The following PRKD1 variants were observed in gnomAD, a reference collection of about 807,000 sequenced individuals.
The protein encoded by PRKD1 is serine/threonine-protein kinase D1.
In PRKD1, 63 loss-of-function variants were observed where a neutral mutation model predicts 95.9. The ratio of observed to expected loss-of-function variants is 0.66; its 90% CI spans 0.54 to 0.81. The LOEUF is 0.81. Among genes scored for constraint, PRKD1 ranks in the 30% least tolerant of loss-of-function variants. PRKD1 has a pLI of 0.00. For missense variants in PRKD1, 1,048 were observed against 1,165.3 expected (o/e 0.90, Z 1.47); for synonymous variants, 425 against 423.1 (o/e 1.00, Z -0.05).
At chr14:29,722,545 T>C (rs1438415851) in intron 2 of PRKD1, among the ~76,000 whole-genome samples, 1 of 152,244 alleles carries the variant, frequency 6.6e-6, no homozygotes, top group African/African-American at 2.4e-5. Flanking sequence ...CAAAATGGTA[T>C]ATATGTAGTA....
chr14:29,609,825 C>G (rs1248879885), intron 13 of PRKD1, among the ~76,000 whole-genome samples: 1 of 150,994 alleles, frequency 6.6e-6, no homozygotes. Context: ...TCCCAAAGTG[C>G]TGAAATTACA....
chr14:29,642,417 C>A (rs532977775), intron 4 of PRKD1, among the ~76,000 whole-genome samples: 8 of 152,004 alleles, frequency 5.3e-5, no homozygotes, highest in Non-Finnish European at 1.0e-4. Flanking sequence ...ACAGAGCAGG[C>A]AAAAATTCAG....
At chr14:29,759,709 G>A (rs1465617533) in intron 1 of PRKD1, among the ~76,000 whole-genome samples, 1 of 152,192 alleles carries the variant, frequency 6.6e-6, no homozygotes, top group African/African-American at 2.4e-5. Flanking sequence ...AACAGAAAAT[G>A]TGAGAGTCAC....
intron 10 of PRKD1, 28 bp downstream of exon 10, chr14:29,630,714 G>T: frequency 6.2e-7 from 1 of 1,613,732 alleles, no homozygotes; most frequent in South Asian, 1.1e-5. Flanking sequence ...GATGAGCTTT[G>T]GGCTGGTTAG....
At chr14:29,922,107 C>G (rs899396521) in intron 1 of PRKD1, among the ~76,000 whole-genome samples, 1 of 152,126 alleles carries the variant, frequency 6.6e-6, no homozygotes, top group Non-Finnish European at 1.5e-5. Flanking sequence ...CGAGACCATC[C>G]TGGATAACAC....
Position 29,927,605 on chromosome 14 carries a change from T to A in PRKD1, c.-93A>T. 1.0e-6 allele frequency: 1 copy of A among 977,126 alleles called. No individual in the cohort carries two copies. The highest frequency in any genetic ancestry group is 1.2e-6 in the Non-Finnish European group (1 of 801,744). 60.5% of individuals were successfully genotyped at this position (977,126 alleles called of 1,614,324 possible). ...GCAGCCGCTGAGCCAGGAGCTTCTT[T>A]CTCCGAGAGCCCAGACGGAAAATAA... On this transcript the variant is annotated 5_prime_UTR_variant, in exon 1 of 18. Transcript: ENST00000331968.
At chr14:29,623,186 A>G (rs1428062715) in intron 13 of PRKD1, among the ~76,000 whole-genome samples, 4 of 152,208 alleles carry the variant, frequency 2.6e-5, no homozygotes, top group African/African-American at 9.6e-5. Flanking sequence ...TTGTCCAGAG[A>G]CACAAAAACA....
chr14:29,925,678 A>G (rs1895271501), intron 1 of PRKD1, among the ~76,000 whole-genome samples: 1 of 152,232 alleles, frequency 6.6e-6, no homozygotes, highest in Non-Finnish European at 1.5e-5. Context: ...AAGCTGGTCA[A>G]AACAAAGTCT....
At chr14:29,890,519 A>ACATAGATAG (rs1295763060) in intron 1 of PRKD1, among the ~76,000 whole-genome samples, 1 of 152,236 alleles carries the variant, frequency 6.6e-6, no homozygotes, top group Non-Finnish European at 1.5e-5. Flanking sequence ...ATAGATAGAT[A>ACATAGATAG]CATAGATAGA....
intron 2 of PRKD1, among the ~76,000 whole-genome samples, chr14:29,716,037 C>T (rs1470352347): frequency 6.6e-6 from 1 of 152,194 alleles, no homozygotes; most frequent in Non-Finnish European, 1.5e-5. Flanking sequence ...GACCGTTAAA[C>T]TTCCATTCTA....
At chr14:29,699,824 C>A (rs1410202852) in intron 2 of PRKD1, among the ~76,000 whole-genome samples, 1 of 152,130 alleles carries the variant, frequency 6.6e-6, no homozygotes, top group Non-Finnish European at 1.5e-5. Context: ...TTTTTATACA[C>A]AAATATATCT....
intron 13 of PRKD1, among the ~76,000 whole-genome samples, chr14:29,601,523 T>G (rs538440839): frequency 1.2e-4 from 19 of 152,288 alleles, no homozygotes; most frequent in East Asian, 3.9e-4. Flanking sequence ...ACTGGTCAAG[T>G]CTGGCAACTT....
At chr14:29,922,157 A>C (rs546540188) in intron 1 of PRKD1, among the ~76,000 whole-genome samples, 1 of 152,094 alleles carries the variant, frequency 6.6e-6, no homozygotes, top group South Asian at 2.1e-4. Context: ...AAAAAATAGC[A>C]GTGCATGGTG....
At chr14:29,777,924 C>G (rs1164793199) in intron 1 of PRKD1, among the ~76,000 whole-genome samples, 1 of 152,098 alleles carries the variant, frequency 6.6e-6, no homozygotes, top group African/African-American at 2.4e-5. Context: ...TGTAAAAGAA[C>G]AGAAATTATA....
At chr14:29,877,628 T>A (rs886292641) in intron 1 of PRKD1, among the ~76,000 whole-genome samples, 1 of 152,214 alleles carries the variant, frequency 6.6e-6, no homozygotes, top group Non-Finnish European at 1.5e-5. Flanking sequence ...TTGTTTTACA[T>A]TTAAGTCTTT....
chr14:29,816,426 ATTT>A (rs1890696650), intron 1 of PRKD1, among the ~76,000 whole-genome samples: 2 of 152,178 alleles, frequency 1.3e-5, no homozygotes, highest in South Asian at 2.1e-4. Flanking sequence ...TAGGGAGATG[ATTT>A]CATTGTTTTT....
At chr14:29,852,641 T>C (rs11845609) in intron 1 of PRKD1, among the ~76,000 whole-genome samples, 1,821 of 152,102 alleles carry the variant, frequency 0.012, 33 homozygotes, top group African/African-American at 0.042. Flanking sequence ...CATCAAAAAC[T>C]GAAAGGATTG....
intron 2 of PRKD1, among the ~76,000 whole-genome samples, chr14:29,670,506 T>A (rs1882779283): frequency 6.6e-6 from 1 of 152,214 alleles, no homozygotes; most frequent in Non-Finnish European, 1.5e-5. Context: ...GTCTATATAT[T>A]TCTTTACAAT....
chr14:29,919,506 G>A (rs2139135509), intron 1 of PRKD1, among the ~76,000 whole-genome samples: 1 of 152,308 alleles, frequency 6.6e-6, no homozygotes, highest in African/African-American at 2.4e-5. Context: ...ATAACTTCAA[G>A]TGGTGCTATC....
Sources: allele counts gnomAD v4.1 joint callset (sites outside exome capture counted in the v4.1 genomes callset), GRCh38; gene constraint gnomAD v4.1.1; transcripts MANE v1.5; gene names NCBI Gene and HGNC (gene_info 2026-07-23, HGNC 2026-07-21).